Variants in RELN observed in about 807,000 individuals in gnomAD.
The protein encoded by RELN is reelin.
RELN carries 108 observed loss-of-function variants against 427.6 expected under a neutral mutation model. The ratio of observed to expected loss-of-function variants is 0.25; its 90% CI spans 0.22 to 0.30. The LOEUF is 0.30. RELN is among the 10% of genes least tolerant of loss of function. The pLI, the probability that RELN is intolerant of heterozygous loss-of-function variation, is 1.00. For synonymous variants in RELN, 1,524 were observed against 1,513.4 expected (o/e 1.01, Z -0.16); for missense variants, 3,715 against 4,302.8 (o/e 0.86, Z 3.82).
At chr7:103,661,268 T>C in intron 12 of RELN, 108 bp downstream of exon 12, 1 of 1,264,558 alleles carries the variant, frequency 7.9e-7, no homozygotes, top group Middle Eastern at 1.9e-4. Flanking sequence ...TCACGTTTCA[T>C]GAATTTTCAT....
Position 103,519,723 on chromosome 7 carries a change from C to T in RELN, c.7669-207G>A, listed in dbSNP as rs546554217. 3.9e-3 allele frequency among the ~76,000 whole-genome samples: 596 copies of T among 152,076 alleles called. 2 individuals are homozygous for T. Among genetic ancestry groups the T allele is most frequent in the Non-Finnish European group, 6.9e-3 (468 of 67,986 alleles). ...TCAGCCTCCCAAGTGGCTGGGACTA[C>T]GGGTACATGCCTCCATGTCTAGCTA... On this transcript the variant is annotated intron_variant, in intron 48 of 64. Transcript: ENST00000428762.
At chr7:103,630,932 T>C (rs942280248) in intron 19 of RELN, among the ~76,000 whole-genome samples, 7 of 149,826 alleles carry the variant, frequency 4.7e-5, no homozygotes, top group African/African-American at 1.7e-4. Flanking sequence ...GTTGAATAAC[T>C]TAGAAAGAAA....
At chr7:103,936,648 T>C (rs1795990879) in intron 1 of RELN, among the ~76,000 whole-genome samples, 1 of 151,490 alleles carries the variant, frequency 6.6e-6, no homozygotes, top group African/African-American at 2.4e-5. Flanking sequence ...CACTTAACTT[T>C]TCCCTCCCCC....
At chr7:103,798,808 T>C (rs1013805829) in intron 3 of RELN, among the ~76,000 whole-genome samples, 8 of 152,170 alleles carry the variant, frequency 5.3e-5, no homozygotes, top group African/African-American at 1.9e-4. Flanking sequence ...AACGAACAAA[T>C]GTTTTTGTGT....
intron 1 of RELN, among the ~76,000 whole-genome samples, chr7:103,976,834 T>C (rs1387613750): frequency 6.6e-6 from 1 of 151,980 alleles, no homozygotes; most frequent in African/African-American, 2.4e-5. Flanking sequence ...GCAAATTGAT[T>C]GAGTCCAGGA....
chr7:103,597,080 G>A (rs1221375445), intron 24 of RELN, among the ~76,000 whole-genome samples: 1 of 152,154 alleles, frequency 6.6e-6, no homozygotes, highest in Non-Finnish European at 1.5e-5. Context: ...CTGATCACTA[G>A]CTGTGTGACC....
In RELN at chr7:103,596,740, T is replaced by C. The variant is rs570734936; in HGVS notation, c.3334-79A>G. The C allele has an allele frequency of 9.9e-6, 12 of 1,209,162 alleles. No individual in the cohort carries two copies. In the Admixed American group the frequency reaches 1.2e-4, roughly 12 times the overall value. The allele number at this position is 1,209,162 out of a possible 1,614,324, so 74.9% of individuals were successfully genotyped here. On this transcript the variant is annotated intron_variant, in intron 24 of 64. Transcript: ENST00000428762. ...TTGTTGTTTCAGTTCCAAATTCACATGGACATCTTAGCACTATGTGGAAAT... is the reference window on the plus strand; with the variant it reads ...TTGTTGTTTCAGTTCCAAATTCACACGGACATCTTAGCACTATGTGGAAAT...
intron 30 of RELN, 39 bp from the exon 31 acceptor site, chr7:103,572,299 T>C (rs1317638454): frequency 9.1e-7 from 1 of 1,101,692 alleles, no homozygotes; most frequent in Admixed American, 1.7e-5. Context: ...CAAACAAGAG[T>C]TCAGAAGAGC....
chr7:103,972,135 T>A (rs2116820320), intron 1 of RELN, among the ~76,000 whole-genome samples: 1 of 152,302 alleles, frequency 6.6e-6, no homozygotes, highest in Admixed American at 6.5e-5. Context: ...GTATGTATTA[T>A]CTAAAACTTG....
chr7:103,631,493 C>T (rs766238489), intron 19 of RELN, among the ~76,000 whole-genome samples: 4 of 151,780 alleles, frequency 2.6e-5, no homozygotes, highest in Admixed American at 1.3e-4. Context: ...AGGGTTTCAC[C>T]GTGTTAGCCA....
rs988698957 is a variant in RELN, at chr7:103,563,110, G to C, written c.5211-1157C>G. 6.6e-6 allele frequency among the ~76,000 whole-genome samples: 1 copy of C among 152,158 alleles called. No individual in the cohort carries two copies. Among genetic ancestry groups the C allele is most frequent in the Non-Finnish European group, 1.5e-5 (1 of 68,030 alleles). ...AAGCTCCCTCCAGTTCTCCCCAAAT[G>C]AGTTAGGTAGTACCCTCCTGTGTTT... On this transcript the variant is annotated intron_variant, in intron 34 of 64. Transcript: ENST00000428762. This position sits in a 1 kb window ranked among gnomAD's most constrained non-coding sequence, Gnocchi z 4.1.
At chr7:103,894,087 T>C (rs1030490724) in intron 2 of RELN, among the ~76,000 whole-genome samples, 3 of 152,158 alleles carry the variant, frequency 2.0e-5, no homozygotes, top group Non-Finnish European at 4.4e-5. Context: ...TATTAAAATG[T>C]TACTGCTACA....
In RELN at chr7:103,815,840, G is replaced by T. The variant is rs1225503195; in HGVS notation, c.473+17697C>A. On this transcript the variant is annotated intron_variant, in intron 3 of 64. Coordinates refer to ENST00000428762, the MANE Select transcript of RELN (RefSeq NM_005045.4). ...ATTCCCAGCATTGCTGTGCTGAAAA[G>T]CTCTGTGTAAATGGATTTGAACCAA... 3.9e-5 allele frequency among the ~76,000 whole-genome samples: 6 copies of T among 152,184 alleles called. No individual in the cohort carries two copies. The South Asian group carries it at 1.0e-3, about 26-fold the overall frequency.
intron 11 of RELN, among the ~76,000 whole-genome samples, chr7:103,671,403 G>C (rs1833389964): frequency 6.6e-6 from 1 of 152,036 alleles, no homozygotes; most frequent in African/African-American, 2.4e-5. Context: ...CACTAATAAA[G>C]AATATTGGGC....
chr7:103,610,884 G>A (rs777727545), intron 21 of RELN, 77 bp from the exon 22 acceptor site: 26 of 799,438 alleles, frequency 3.3e-5, no homozygotes, highest in Non-Finnish European at 1.6e-5. Context: ...CCCACTGTAA[G>A]TGAAAAAGAC....
At chr7:103,934,405 T>C (rs918856869) in intron 1 of RELN, among the ~76,000 whole-genome samples, 7 of 152,200 alleles carry the variant, frequency 4.6e-5, no homozygotes, top group Non-Finnish European at 1.0e-4. Context: ...TTCTTACAGC[T>C]TAAGCCATAG....
Position 103,604,499 on chromosome 7 carries a change from A to C in RELN, c.3009-16T>G. ...AGCACTGGACCTAGAAACACGGTAT[A>C]GTATAACAAAAACGGTTTCAACCTT... On this transcript the variant is annotated splice_polypyrimidine_tract_variant and intron_variant, in intron 22 of 64. Transcript: ENST00000428762. 6.2e-7 allele frequency: 1 copy of C among 1,613,746 alleles called. No homozygotes were observed. Among genetic ancestry groups the C allele is most frequent in the Middle Eastern group, 1.7e-4 (1 of 6,058 alleles).
At chr7:103,479,252 C>T (rs988075787) in intron 63 of RELN, among the ~76,000 whole-genome samples, 1 of 152,142 alleles carries the variant, frequency 6.6e-6, no homozygotes, top group African/African-American at 2.4e-5. Flanking sequence ...TCTCTTTTAT[C>T]CTAAGAAGAA....
intron 48 of RELN, 32 bp downstream of exon 48, chr7:103,521,990 C>A: frequency 1.9e-6 from 3 of 1,610,636 alleles, no homozygotes; most frequent in Non-Finnish European, 2.5e-6. Context: ...TTAAGAAGAG[C>A]AGAAATGAGT....
Sources: allele counts gnomAD v4.1 joint callset (sites outside exome capture counted in the v4.1 genomes callset), GRCh38; gene constraint gnomAD v4.1.1; non-coding constraint Gnocchi (gnomAD v3.1); transcripts MANE v1.5; gene names NCBI Gene and HGNC (gene_info 2026-07-23, HGNC 2026-07-21).